The following ROBO2 variants were observed in gnomAD, a reference collection of about 807,000 sequenced individuals.
ROBO2 encodes roundabout guidance receptor 2.
ROBO2 carries 53 observed loss-of-function variants against 160.8 expected under a neutral mutation model. The ratio of observed to expected loss-of-function variants is 0.33; its 90% CI spans 0.26 to 0.41. The LOEUF (loss-of-function observed/expected upper bound fraction) is 0.41, where lower values mean the gene tolerates loss of function less well. Ranked by LOEUF, ROBO2 falls within the 10% of genes least tolerant of loss-of-function variation. The pLI, the probability that ROBO2 is intolerant of heterozygous loss-of-function variation, is 1.00. For synonymous variants in ROBO2, 664 were observed against 611.7 expected, an observed-to-expected ratio of 1.09 and a Z score of -1.26; for missense variants, 1,577 against 1,722.4, an observed-to-expected ratio of 0.92 and a Z score of 1.49.
chr3:76,451,214 T>A (rs2077459563), intron 2 of ROBO2, among the ~76,000 whole-genome samples: 1 of 152,186 alleles, frequency 6.6e-6, no homozygotes, highest in Non-Finnish European at 1.5e-5. Context: ...CAAGACAAGA[T>A]GAGAATGAGG....
rs1201011464 is a variant in ROBO2 at position 77,602,297 on chromosome 3, C to T, written c.2942C>T (p.Thr981Ile). Reference sequence around the variant, plus strand: ...ATTTATAGTAGCATTGACTTCACTACCAAAACCAGTTACAACAGTTCCAGC... The same window carrying T: ...ATTTATAGTAGCATTGACTTCACTATCAAAACCAGTTACAACAGTTCCAGC... Residue 981 changes from threonine (T) to isoleucine (I), a missense_variant, in exon 20 of 26, where the codon ACC (threonine) becomes ATC (isoleucine). Physicochemically the swap from Thr to Ile is moderately conservative, Grantham distance 89. This residue lies in a region of ROBO2 where 637 missense variants were observed against 586.9 expected (regional missense o/e 1.09). Transcript: ENST00000461745. 6 of 1,614,042 alleles carry T rather than the reference C, an allele frequency of 3.7e-6. No individual in the cohort carries two copies. The highest frequency in any genetic ancestry group is 3.3e-5 in the Admixed American group (2 of 60,002).
At chr3:76,387,988 C>T (rs185582176) in intron 2 of ROBO2, among the ~76,000 whole-genome samples, 93 of 152,200 alleles carry the variant, frequency 6.1e-4, no homozygotes, top group Admixed American at 3.3e-3. Flanking sequence ...AATACTATAT[C>T]AATATTCCAG....
intron 2 of ROBO2, among the ~76,000 whole-genome samples, chr3:76,264,653 A>AT: frequency 6.6e-6 from 1 of 152,136 alleles, no homozygotes; most frequent in South Asian, 2.1e-4. Context: ...ACTTGATTCA[A>AT]TTTTTTCACT....
intron 23 of ROBO2, among the ~76,000 whole-genome samples, chr3:77,628,600 A>G (rs768876075): frequency 2.0e-5 from 3 of 152,212 alleles, no homozygotes; most frequent in African/African-American, 7.2e-5. Context: ...AACATCTTAT[A>G]TACTATTTGA....
intron 2 of ROBO2, among the ~76,000 whole-genome samples, chr3:76,046,055 A>T (rs779928847): frequency 1.3e-5 from 2 of 151,870 alleles, no homozygotes; most frequent in Non-Finnish European, 2.9e-5. Flanking sequence ...TCAAGTCAGA[A>T]ATTGAGTGAT....
At chr3:77,206,378 C>G (rs2083449211) in intron 2 of ROBO2, among the ~76,000 whole-genome samples, 1 of 152,036 alleles carries the variant, frequency 6.6e-6, no homozygotes, top group East Asian at 1.9e-4. Flanking sequence ...CCACACTGGC[C>G]AGGCTGGTCT....
intron 2 of ROBO2, among the ~76,000 whole-genome samples, chr3:77,158,646 T>C (rs550882995): frequency 9.9e-5 from 15 of 152,270 alleles, no homozygotes; most frequent in Middle Eastern, 3.4e-3. Context: ...GTTTAGCTCA[T>C]AACTAAAAGT....
At chr3:77,643,266 C>A (rs369059235) in intron 24 of ROBO2, among the ~76,000 whole-genome samples, 1 of 152,316 alleles carries the variant, frequency 6.6e-6, no homozygotes, top group East Asian at 1.9e-4. Flanking sequence ...TTAATCTTTT[C>A]TGTCAGTTTA....
intron 2 of ROBO2, among the ~76,000 whole-genome samples, chr3:76,012,009 G>A (rs1023413363): frequency 2.0e-5 from 3 of 152,138 alleles, no homozygotes; most frequent in Non-Finnish European, 4.4e-5. Flanking sequence ...GTTCAATGTA[G>A]CCAAGATTCT....
At chr3:75,916,886 T>TA (rs2106788497) in intron 1 of ROBO2, among the ~76,000 whole-genome samples, 1 of 152,110 alleles carries the variant, frequency 6.6e-6, no homozygotes, top group Non-Finnish European at 1.5e-5. Context: ...TGTACATATA[T>TA]ATGTTACAAA....
At chr3:76,178,947 T>TATAA (rs930078761) in intron 2 of ROBO2, among the ~76,000 whole-genome samples, 6 of 151,918 alleles carry the variant, frequency 3.9e-5, no homozygotes, top group Non-Finnish European at 7.4e-5. Context: ...ATCTCAAAAA[T>TATAA]ATAAATAAAT....
At chr3:76,449,601 C>T (rs1007212510) in intron 2 of ROBO2, among the ~76,000 whole-genome samples, 2 of 152,240 alleles carry the variant, frequency 1.3e-5, no homozygotes, top group Admixed American at 6.5e-5. Flanking sequence ...TCTCTAGCTA[C>T]AGTTCCTGCA....
chr3:76,860,517 T>C (rs889733933), intron 2 of ROBO2, among the ~76,000 whole-genome samples: 2 of 152,186 alleles, frequency 1.3e-5, no homozygotes, highest in Non-Finnish European at 2.9e-5. Flanking sequence ...TGCTTATGTC[T>C]CCAAAAATAG....
In ROBO2 at chr3:76,977,936, T is replaced by A. The variant is rs2059892506; in HGVS notation, c.110-120078T>A. ...ATGAATAAGTTTAACATGGACCTAT[T>A]TATACTTTGAAGTAATCCTTACAGA... is the stretch of plus-strand genomic sequence containing the variant. On this transcript the variant is annotated intron_variant, in intron 2 of 26. Transcript: ENST00000487694. 3.3e-5 allele frequency among the ~76,000 whole-genome samples: 5 copies of A among 152,164 alleles called. No individual in the cohort carries two copies. The South Asian group carries it at 8.3e-4, about 25-fold the overall frequency.
chr3:76,947,875 C>T (rs1295627505), intron 2 of ROBO2, among the ~76,000 whole-genome samples: 1 of 152,090 alleles, frequency 6.6e-6, no homozygotes, highest in African/African-American at 2.4e-5. Flanking sequence ...TTTAACCTCC[C>T]AAGATTAGAA....
intron 2 of ROBO2, among the ~76,000 whole-genome samples, chr3:76,124,124 T>C (rs2108302798): frequency 6.6e-6 from 1 of 151,544 alleles, no homozygotes; most frequent in East Asian, 1.9e-4. Context: ...ATCAGAGTGC[T>C]TAAATATAAA....
At chr3:76,037,230 A>G (rs1292317352) in intron 2 of ROBO2, among the ~76,000 whole-genome samples, 3 of 151,658 alleles carry the variant, frequency 2.0e-5, no homozygotes, top group Non-Finnish European at 4.4e-5. Context: ...ACACATGCTA[A>G]ATTAAAAATG....
intron 2 of ROBO2, among the ~76,000 whole-genome samples, chr3:76,515,091 A>T (rs559567921): frequency 2.4e-4 from 37 of 152,224 alleles, no homozygotes; most frequent in Non-Finnish European, 4.7e-4. Flanking sequence ...TCTGTTCTAC[A>T]ATAATAAACA....
chr3:76,681,075 C>A (rs1183812587), intron 2 of ROBO2, among the ~76,000 whole-genome samples: 1 of 152,148 alleles, frequency 6.6e-6, no homozygotes, highest in Non-Finnish European at 1.5e-5. Context: ...CCACTCCCAG[C>A]AGATTTTATA....
Sources: allele counts gnomAD v4.1 joint callset (sites outside exome capture counted in the v4.1 genomes callset), GRCh38; gene constraint gnomAD v4.1.1; regional missense constraint gnomAD v4.1.1; transcripts MANE v1.5; gene names NCBI Gene and HGNC (gene_info 2026-07-23, HGNC 2026-07-21).